NCOA7: variants seen among roughly 807,000 people sequenced by gnomAD.
The protein encoded by NCOA7 is nuclear receptor coactivator 7.
Under a neutral mutation model 104.3 loss-of-function variants are expected in NCOA7, and 45 were observed. The ratio of observed to expected loss-of-function variants is 0.43; its 90% CI spans 0.34 to 0.55. NCOA7 has a LOEUF of 0.55. Ranked by LOEUF, NCOA7 falls within the 20% of genes least tolerant of loss-of-function variation. The pLI, the probability that NCOA7 is intolerant of heterozygous loss-of-function variation, is 0.02. For missense variants in NCOA7, 1,041 were observed against 1,119.7 expected, an observed-to-expected ratio of 0.93 and a Z score of 1.00; for synonymous variants, 398 against 402.3, an observed-to-expected ratio of 0.99 and a Z score of 0.13.
At chr6:125,869,156 CACAATAATG>C (rs1382139403) in intron 3 of NCOA7, among the ~76,000 whole-genome samples, 5 of 152,160 alleles carry the variant, frequency 3.3e-5, no homozygotes, top group African/African-American at 4.8e-5. Context: ...TGTTTTCAAG[CACAATAATG>C]AATCATGTCC....
intron 13 of NCOA7, 38 bp from the exon 14 acceptor site, chr6:125,927,625 G>GT: frequency 6.8e-7 from 1 of 1,480,282 alleles, no homozygotes; most frequent in Non-Finnish European, 9.5e-7. Flanking sequence ...GGGGATTTAG[G>GT]TTTGAATGTA....
chr6:125,798,587 G>A (rs1775564139), intron 1 of NCOA7, among the ~76,000 whole-genome samples: 1 of 152,076 alleles, frequency 6.6e-6, no homozygotes, highest in African/African-American at 2.4e-5. Context: ...TAATGATTTT[G>A]AACAATATTT....
At chr6:125,797,404 G>A (rs1229291241) in intron 1 of NCOA7, among the ~76,000 whole-genome samples, 1 of 152,202 alleles carries the variant, frequency 6.6e-6, no homozygotes, top group Non-Finnish European at 1.5e-5. Flanking sequence ...GAAAATAAGA[G>A]TTTAATAGTG....
intron 3 of NCOA7, among the ~76,000 whole-genome samples, chr6:125,856,925 T>C (rs1462328541): frequency 6.6e-6 from 1 of 152,150 alleles, no homozygotes; most frequent in East Asian, 1.9e-4. Context: ...TATTCCAAGA[T>C]AAAATGGACT....
intron 2 of NCOA7, among the ~76,000 whole-genome samples, chr6:125,830,103 T>C (rs1779034916): frequency 6.6e-6 from 1 of 152,210 alleles, no homozygotes; most frequent in South Asian, 2.1e-4. Context: ...CTTGAAAAAC[T>C]CTTGTTAGAG....
chr6:125,849,436 G>C (rs1228532249), intron 2 of NCOA7, among the ~76,000 whole-genome samples: 1 of 152,196 alleles, frequency 6.6e-6, no homozygotes, highest in Non-Finnish European at 1.5e-5. Context: ...TTCTGCCCTT[G>C]GGGAAGCCCA....
At position 125,864,954 on chromosome 6, in the gene NCOA7, A is replaced by C. The variant is rs186240423; in HGVS notation, c.271+9714A>C. Reference sequence around the variant, plus strand: ...GAAAAGAAAAAGCTGTTTTCAATAAAGTATTTTGGAGGGTGGGAAAGAGGG... The same window carrying C: ...GAAAAGAAAAAGCTGTTTTCAATAACGTATTTTGGAGGGTGGGAAAGAGGG... On this transcript the variant is annotated intron_variant, in intron 3 of 15. Coordinates refer to ENST00000392477, the MANE Select transcript of NCOA7 (RefSeq NM_181782.5). Among the ~76,000 whole-genome samples, 34 of 138,336 alleles carry C rather than the reference A, an allele frequency of 2.5e-4. 5 individuals carry two copies. The highest frequency in any genetic ancestry group is 7.5e-3 in the Middle Eastern group (2 of 266). 90.8% of individuals were successfully genotyped at this position (138,336 alleles called of 152,430 possible).
At chr6:125,868,547 T>G (rs1782622430) in intron 3 of NCOA7, among the ~76,000 whole-genome samples, 1 of 152,222 alleles carries the variant, frequency 6.6e-6, no homozygotes. Context: ...ACCCAGCTCA[T>G]TTTGACCCCT....
rs374769617 is a variant in NCOA7, at chr6:125,806,283, GT to G, written c.-64-9007del. 8.2e-4 allele frequency among the ~76,000 whole-genome samples: 125 copies of G among 152,274 alleles called. 1 individual carries two copies. The East Asian group carries it at 0.022, about 27-fold the overall frequency. On this transcript the variant is annotated intron_variant, in intron 1 of 15. Transcript: ENST00000392477. ...TTGAACCCAGGAGGGGGGGATTACC[GT>G]GAGCCGAGATCGTGGCACTGCACTC...
chr6:125,913,521 T>A, intron 10 of NCOA7: 2 of 465,946 alleles, frequency 4.3e-6, no homozygotes, highest in Non-Finnish European at 5.6e-6. Flanking sequence ...AGTTGAAACA[T>A]AACCATCATA....
At chr6:125,857,014 T>C (rs943413101) in intron 3 of NCOA7, among the ~76,000 whole-genome samples, 3 of 152,168 alleles carry the variant, frequency 2.0e-5, no homozygotes, top group African/African-American at 4.8e-5. Flanking sequence ...GCCGAAAGCA[T>C]GTGGTTTGTA....
chr6:125,812,322 T>G (rs1246413697), intron 1 of NCOA7, among the ~76,000 whole-genome samples: 1 of 152,212 alleles, frequency 6.6e-6, no homozygotes, highest in Non-Finnish European at 1.5e-5. Flanking sequence ...TCAAGCAGAA[T>G]TGAACTTCAC....
chr6:125,803,477 A>G (rs559769685), intron 1 of NCOA7, among the ~76,000 whole-genome samples: 5 of 152,326 alleles, frequency 3.3e-5, no homozygotes, highest in African/African-American at 1.2e-4. Context: ...ATTACTCATA[A>G]ATATATTACA....
At chr6:125,908,795 T>C (rs1368880378) in intron 10 of NCOA7, among the ~76,000 whole-genome samples, 1 of 152,242 alleles carries the variant, frequency 6.6e-6, no homozygotes, top group African/African-American at 2.4e-5. Context: ...CTTGATGTTT[T>C]TGTCACCAGA....
intron 1 of NCOA7, among the ~76,000 whole-genome samples, chr6:125,796,475 A>T (rs1019141146): frequency 1.2e-4 from 18 of 151,556 alleles, no homozygotes; most frequent in African/African-American, 4.1e-4. Context: ...TAGTATTTGG[A>T]TATAATCTAT....
intron 3 of NCOA7, among the ~76,000 whole-genome samples, chr6:125,867,195 C>G (rs376401556): frequency 2.7e-4 from 41 of 152,274 alleles, no homozygotes; most frequent in African/African-American, 9.9e-4. Flanking sequence ...GATATCTGGC[C>G]ACCTTAGTGA....
chr6:125,884,101 A>G (rs1479295019), intron 7 of NCOA7, among the ~76,000 whole-genome samples: 2 of 152,194 alleles, frequency 1.3e-5, no homozygotes, highest in Non-Finnish European at 2.9e-5. Flanking sequence ...GAGTGAGATC[A>G]TGCAGTATTT....
chr6:125,838,917 G>T (rs1051067756), intron 2 of NCOA7, among the ~76,000 whole-genome samples: 4 of 152,076 alleles, frequency 2.6e-5, no homozygotes, highest in Non-Finnish European at 4.4e-5. Context: ...AAGGTATGGG[G>T]GACTCAGGGG....
At chr6:125,799,657 GT>G (rs1775703111) in intron 1 of NCOA7, among the ~76,000 whole-genome samples, 1 of 152,044 alleles carries the variant, frequency 6.6e-6, no homozygotes, top group Middle Eastern at 3.2e-3. Flanking sequence ...GGTCAGGCTG[GT>G]CTCGAACTCC....
Sources: gnomAD v4.1 joint callset for allele counts (sites outside exome capture counted in the v4.1 genomes callset) on GRCh38, gnomAD v4.1.1 for gene constraint, MANE v1.5 for transcripts, NCBI Gene and HGNC (gene_info 2026-07-23, HGNC 2026-07-21) for gene names.